CDH13: variants seen among roughly 807,000 people sequenced by gnomAD.
CDH13 encodes cadherin 13.
Under a neutral mutation model 63.8 loss-of-function variants are expected in CDH13, and 24 were observed. The observed-to-expected ratio is 0.38, with a 90% CI of 0.27 to 0.53. The LOEUF is 0.53. Ranked by LOEUF, CDH13 falls within the 20% of genes least tolerant of loss-of-function variation. The probability of loss-of-function intolerance (pLI) is 0.85; values close to 1 mark genes in which losing one functional copy is unlikely to be tolerated. For synonymous variants in CDH13, 503 were observed against 355.3 expected, an observed-to-expected ratio of 1.42 and a Z score of -4.67; for missense variants, 1,049 against 903.1, an observed-to-expected ratio of 1.16 and a Z score of -2.07.
chr16:82,774,818 G>A (rs1464289560), intron 1 of CDH13, among the ~76,000 whole-genome samples: 2 of 152,216 alleles, frequency 1.3e-5, no homozygotes, highest in African/African-American at 4.8e-5. Context: ...GTCAGGGTGT[G>A]TTCCTGCACC....
At chr16:83,652,833 C>G (rs1166058557) in intron 8 of CDH13, among the ~76,000 whole-genome samples, 1 of 152,162 alleles carries the variant, frequency 6.6e-6, no homozygotes, top group Non-Finnish European at 1.5e-5. Context: ...ATAAGTCCTC[C>G]CAAAACTTGC....
intron 1 of CDH13, among the ~76,000 whole-genome samples, chr16:82,783,564 C>G (rs1342188592): frequency 6.6e-6 from 1 of 152,180 alleles, no homozygotes; most frequent in Non-Finnish European, 1.5e-5. Flanking sequence ...ACTTCTTACT[C>G]CTTTGAAAAA....
In CDH13 at chr16:83,780,093, A is replaced by G. The variant is rs1179419482; in HGVS notation, c.1807A>G (p.Ile603Val). ...CDDAKNLSVV[I>V]LGASDKDLHP... is the part of the protein sequence containing the mutation. Reference sequence around the variant, plus strand: ...TGATGCCAAAAACCTCAGTGTAGTCATTTTGGGAGCATCAGATAAGGATCT... The same window carrying G: ...TGATGCCAAAAACCTCAGTGTAGTCGTTTTGGGAGCATCAGATAAGGATCT... Residue 603 changes from isoleucine to valine, a missense_variant, in exon 12 of 14, where the codon ATT (isoleucine) becomes GTT (valine). Transcript: ENST00000567109. 6.2e-7 allele frequency: 1 copy of G among 1,613,904 alleles called. No homozygotes were observed.
At chr16:83,060,043 C>G (rs1467821534) in intron 3 of CDH13, among the ~76,000 whole-genome samples, 1 of 152,030 alleles carries the variant, frequency 6.6e-6, no homozygotes, top group African/African-American at 2.4e-5. Flanking sequence ...ATCCGCAAGC[C>G]TCGGCCTCCC....
intron 4 of CDH13, among the ~76,000 whole-genome samples, chr16:83,176,046 C>T (rs1289165636): frequency 1.3e-5 from 2 of 149,776 alleles, no homozygotes; most frequent in Non-Finnish European, 3.0e-5. Flanking sequence ...GACGGGGTTT[C>T]TCCATGTAGG....
At chr16:83,724,764 T>G (rs908828643) in intron 10 of CDH13, among the ~76,000 whole-genome samples, 1 of 152,154 alleles carries the variant, frequency 6.6e-6, no homozygotes, top group Non-Finnish European at 1.5e-5. Flanking sequence ...AGGAGCAAGA[T>G]GATTGATGAA....
chr16:83,366,943 G>A (rs910058871), intron 6 of CDH13, among the ~76,000 whole-genome samples: 10 of 151,536 alleles, frequency 6.6e-5, no homozygotes, highest in African/African-American at 2.4e-4. Flanking sequence ...CTCCTTCTTT[G>A]TTTTTGGCAT....
intron 3 of CDH13, among the ~76,000 whole-genome samples, chr16:83,069,932 G>GTTGAT (rs1479927376): frequency 6.6e-6 from 1 of 152,190 alleles, no homozygotes; most frequent in Non-Finnish European, 1.5e-5. Flanking sequence ...AATCAGTGTA[G>GTTGAT]TTGATGGATA....
intron 4 of CDH13, among the ~76,000 whole-genome samples, chr16:83,156,651 T>C (rs2037219503): frequency 6.6e-6 from 1 of 152,224 alleles, no homozygotes; most frequent in Non-Finnish European, 1.5e-5. Flanking sequence ...CATCAAGTTT[T>C]ACTCACCTGC....
Position 83,345,492 on chromosome 16 carries a change from G to A in CDH13, c.781+486G>A, listed in dbSNP as rs77010947. On this transcript the variant is annotated intron_variant, in intron 6 of 13. Transcript: ENST00000567109. Reference sequence around the variant, plus strand: ...AAGAAATCTTTTGTCTTCAGTCAGAGGACCAAAAGGAGGATGTTTGATATC... The same window carrying A: ...AAGAAATCTTTTGTCTTCAGTCAGAAGACCAAAAGGAGGATGTTTGATATC... Among the ~76,000 whole-genome samples, 21 of 152,328 alleles carry A rather than the reference G, an allele frequency of 1.4e-4. No homozygotes were observed. In the East Asian group the frequency reaches 4.1e-3, roughly 29 times the overall value.
Position 83,047,253 on chromosome 16 carries a change from A to T in CDH13, c.366+15035A>T, listed in dbSNP as rs577217599. Among the ~76,000 whole-genome samples, 177 of 152,042 alleles carry T rather than the reference A, an allele frequency of 1.2e-3. No homozygotes were observed. The highest frequency in any genetic ancestry group is 3.7e-3 in the African/African-American group (155 of 41,480). Reference sequence around the variant, plus strand: ...GGCCTGTGTATTTATTTATTTATTTATTTTTTTGGTAAAGGCCTCTGCTGT... The same window carrying T: ...GGCCTGTGTATTTATTTATTTATTTTTTTTTTTGGTAAAGGCCTCTGCTGT... On this transcript the variant is annotated intron_variant, in intron 3 of 13. Transcript: ENST00000567109. This position sits in a 1 kb window ranked among gnomAD's most constrained non-coding sequence, Gnocchi z 4.9.
intron 5 of CDH13, among the ~76,000 whole-genome samples, chr16:83,306,991 A>G (rs895690144): frequency 1.2e-4 from 19 of 152,374 alleles, no homozygotes; most frequent in Non-Finnish European, 1.9e-4. Flanking sequence ...AGTAATGCAT[A>G]CATGAGAATA....
At chr16:83,061,537 A>G (rs1260244203) in intron 3 of CDH13, among the ~76,000 whole-genome samples, 2 of 152,178 alleles carry the variant, frequency 1.3e-5, no homozygotes, top group Non-Finnish European at 2.9e-5. Flanking sequence ...CAGCTCACCC[A>G]TGGTGTGCTA....
chr16:83,776,024 T>C (rs938020011), intron 11 of CDH13, among the ~76,000 whole-genome samples: 16 of 152,206 alleles, frequency 1.1e-4, no homozygotes, highest in African/African-American at 2.7e-4. Flanking sequence ...ATCCCGTGCA[T>C]AGAAACTGAG....
Position 83,486,460 on chromosome 16 carries a change from C to T in CDH13, c.782-17C>T. On this transcript the variant is annotated splice_polypyrimidine_tract_variant and intron_variant, in intron 6 of 13. Coordinates refer to ENST00000567109, the MANE Select transcript of CDH13 (RefSeq NM_001257.5). ...CCATTGATAACCATTCCGTGCCTTT[C>T]TGTCTTGCCCCGGTAGGCACCACAG... 1 of 1,605,496 alleles carries T rather than the reference C, an allele frequency of 6.2e-7. No individual in the cohort carries two copies. Among genetic ancestry groups the T allele is most frequent in the Non-Finnish European group, 8.5e-7 (1 of 1,174,562 alleles).
At chr16:83,010,605 T>A (rs1171665473) in intron 2 of CDH13, among the ~76,000 whole-genome samples, 1 of 152,214 alleles carries the variant, frequency 6.6e-6, no homozygotes, top group Admixed American at 6.5e-5. Context: ...TGTTGCACTT[T>A]GTAGTTGTCC....
intron 5 of CDH13, among the ~76,000 whole-genome samples, chr16:83,304,196 A>C (rs1246733219): frequency 6.6e-6 from 1 of 152,200 alleles, no homozygotes; most frequent in African/African-American, 2.4e-5. Context: ...GCCATAAGAA[A>C]TGTGGGTTTT....
intron 1 of CDH13, among the ~76,000 whole-genome samples, chr16:82,670,085 G>C (rs1913058120): frequency 6.6e-6 from 1 of 152,220 alleles, no homozygotes; most frequent in South Asian, 2.1e-4. Context: ...TTGAGATTCT[G>C]CCGGGGTTTC....
In CDH13 at chr16:82,647,077, A is replaced by G. The variant is rs1298285942; in HGVS notation, c.45+19940A>G. 3.9e-5 allele frequency among the ~76,000 whole-genome samples: 6 copies of G among 152,330 alleles called. No homozygotes were observed. The East Asian group carries it at 1.2e-3, about 29-fold the overall frequency. On this transcript the variant is annotated intron_variant, in intron 1 of 13. Transcript: ENST00000567109. ...AGAGCCCAGGCCTCGAGGGAAGGTT[A>G]CAGTTTGAAGCCCAGCTCTGCCACT...
Sources: allele counts gnomAD v4.1 joint callset (sites outside exome capture counted in the v4.1 genomes callset), GRCh38; gene constraint gnomAD v4.1.1; non-coding constraint Gnocchi (gnomAD v3.1); transcripts MANE v1.5; gene names NCBI Gene and HGNC (gene_info 2026-07-23, HGNC 2026-07-21).